Variants in KIFC3 observed in about 807,000 individuals in gnomAD.
The protein encoded by KIFC3 is kinesin-like protein KIFC3.
KIFC3 carries 60 observed loss-of-function variants against 101.8 expected under a neutral mutation model. The ratio of observed to expected loss-of-function variants is 0.59; its 90% CI spans 0.48 to 0.73. The LOEUF is 0.73. Ranked by LOEUF, KIFC3 falls within the 30% of genes least tolerant of loss-of-function variation. KIFC3 has a pLI of 0.00. For synonymous variants in KIFC3, 476 were observed against 482.7 expected (o/e 0.99, Z 0.18); for missense variants, 966 against 1,137.1 (o/e 0.85, Z 2.16).
Position 57,823,805 on chromosome 16 carries a change from T to TGTGTGTG in KIFC3, c.109-25524_109-25523insCACACAC, listed in dbSNP as rs1568088586. Reference sequence around the variant, plus strand: ...TGTGTGTGTGTGTGTGTGTGTGTGTTTTTAGTAGAGATGGTGTTTCACCAC... The same window carrying TGTGTGTG: ...TGTGTGTGTGTGTGTGTGTGTGTGTTGTGTGTGTTTAGTAGAGATGGTGTTTCACCAC... On this transcript the variant is annotated intron_variant, in intron 1 of 2. Transcript: ENST00000563028. Among the ~76,000 whole-genome samples the TGTGTGTG allele has an allele frequency of 6.2e-5, 4 of 64,524 alleles. No homozygotes were observed. In the East Asian group the frequency reaches 2.5e-3, roughly 40 times the overall value. 42.3% of individuals were successfully genotyped at this position (64,524 alleles called of 152,430 possible).
At chr16:57,781,547 G>T (rs1249342028) in intron 3 of KIFC3, among the ~76,000 whole-genome samples, 16 of 152,172 alleles carry the variant, frequency 1.1e-4, no homozygotes, top group Non-Finnish European at 7.3e-5. Flanking sequence ...GGTCAGCTGG[G>T]TGCTCAAGGA....
rs536142564 is a variant in KIFC3 at position 57,839,516 on chromosome 16, G to A, written c.108+23213C>T. On this transcript the variant is annotated intron_variant, in intron 1 of 2. Coordinates refer to the KIFC3 transcript ENST00000563028. ...GATCATCCCACTGCACTCCAGCCTC[G>A]GTGACAGAGCAAGACCATGTCTCAA... 9.2e-5 allele frequency among the ~76,000 whole-genome samples: 14 copies of A among 152,050 alleles called. No individual in the cohort carries two copies. In the East Asian group the frequency reaches 9.7e-4, roughly 10 times the overall value.
At chr16:57,801,447 A>G (rs983426695) in intron 1 of KIFC3, among the ~76,000 whole-genome samples, 2 of 152,168 alleles carry the variant, frequency 1.3e-5, no homozygotes, top group Non-Finnish European at 2.9e-5. Context: ...CTGTGCCCCT[A>G]AAGTCCACTC....
intron 3 of KIFC3, chr16:57,775,001 C>T: frequency 6.5e-7 from 1 of 1,533,936 alleles, no homozygotes; most frequent in South Asian, 1.2e-5. Context: ...CCACTGCCGC[C>T]CCTGCCAGGC....
At position 57,758,643 on chromosome 16, in the gene KIFC3, CA is replaced by C; in HGVS notation, c.*290del. The C allele has an allele frequency of 5.7e-6, 4 of 700,954 alleles. No homozygotes were observed. The highest frequency in any genetic ancestry group is 1.0e-5 in the Non-Finnish European group (4 of 384,784). The allele number at this position is 700,954 out of a possible 1,614,324, so 43.4% of individuals were successfully genotyped here. ...ACACTCCCGCCCTCCTCACGGGGCC[CA>C]GTTCGCTGATGGCCCAGGCCTGCCA... On this transcript the variant is annotated 3_prime_UTR_variant, in exon 20 of 20. Coordinates refer to ENST00000445690, the MANE Select transcript of KIFC3 (RefSeq NM_001130100.2).
intron 11 of KIFC3, among the ~76,000 whole-genome samples, chr16:57,765,051 G>A (rs2050318835): frequency 6.6e-6 from 1 of 151,984 alleles, no homozygotes; most frequent in Non-Finnish European, 1.5e-5. Context: ...GTGGTGGGAG[G>A]GGCTGTGGGT....
chr16:57,842,200 A>C (rs1482237487), intron 1 of KIFC3, among the ~76,000 whole-genome samples: 1 of 146,940 alleles, frequency 6.8e-6, no homozygotes, highest in Non-Finnish European at 1.5e-5. Context: ...ACTCCGTCTC[A>C]AAAAAAAAAA....
At position 57,798,088 on chromosome 16, in the gene KIFC3, C is replaced by G; in HGVS notation, c.156G>C (p.Pro52=). 6.3e-7 allele frequency: 1 copy of G among 1,592,320 alleles called. No individual in the cohort carries two copies. Among genetic ancestry groups the G allele is most frequent in the Non-Finnish European group, 8.5e-7 (1 of 1,169,858 alleles). The change falls in exon 2 of 20, where the codon CCG becomes CCC. Residue 52 remains proline (P), a synonymous_variant. Transcript: ENST00000445690. ...PAARPFPHTG[P]GRLRTGRGKD... is the part of the protein sequence containing the mutation. ...CGGACTCACCAGTTCTCAACCTCCCCGGGCCGGTGTGTGGGAAAGGGCGGG... is the reference window on the plus strand; with the variant it reads ...CGGACTCACCAGTTCTCAACCTCCCGGGGCCGGTGTGTGGGAAAGGGCGGG...
chr16:57,761,987 T>C (rs1442950262), intron 13 of KIFC3, among the ~76,000 whole-genome samples, 153 bp downstream of exon 13: 1 of 152,038 alleles, frequency 6.6e-6, no homozygotes, highest in Admixed American at 6.5e-5. Context: ...CTATCCCCCA[T>C]TGCTCCAGCA....
At chr16:57,830,507 G>A (rs1309346633) in intron 1 of KIFC3, 8 of 152,116 alleles carry the variant, frequency 5.3e-5, no homozygotes, top group Non-Finnish European at 1.2e-4. Flanking sequence ...AAAGTGCTGA[G>A]ATTACAGGCA....
At chr16:57,783,590 A>G (rs2053000455) in intron 3 of KIFC3, among the ~76,000 whole-genome samples, 1 of 149,676 alleles carries the variant, frequency 6.7e-6, no homozygotes, top group Non-Finnish European at 1.5e-5. Flanking sequence ...CTCCTGCCTC[A>G]GCCTCCCAAG....
chr16:57,760,074 G>A (rs1464334879), intron 17 of KIFC3: 3 of 658,146 alleles, frequency 4.6e-6, no homozygotes, highest in African/African-American at 3.6e-5. Context: ...CGGCCAGCTC[G>A]TCACCCCACA....
At position 57,860,952 on chromosome 16, in the gene KIFC3, T is replaced by A. The variant is rs187981704; in HGVS notation, c.108+1777A>T. 2.2e-3 allele frequency among the ~76,000 whole-genome samples: 336 copies of A among 152,208 alleles called. 2 individuals carry two copies. Among genetic ancestry groups the A allele is most frequent in the African/African-American group, 7.8e-3 (326 of 41,530 alleles). ...GTCTTCAACTCCTGAGCTGAAGAGA[T>A]CCATCCATCTCAGCCTCCCAAAGTG... On this transcript the variant is annotated intron_variant, in intron 1 of 2. Coordinates refer to the KIFC3 transcript ENST00000563028.
intron 1 of KIFC3, among the ~76,000 whole-genome samples, chr16:57,799,952 A>G (rs1404553848): frequency 1.3e-5 from 2 of 152,040 alleles, no homozygotes; most frequent in Non-Finnish European, 2.9e-5. Flanking sequence ...GGAGGGCTCA[A>G]AGAGTGGGGC....
At chr16:57,805,706 C>T (rs1199213324), upstream of KIFC3, among the ~76,000 whole-genome samples, 1 of 140,694 alleles carries the variant, frequency 7.1e-6, no homozygotes, top group Non-Finnish European at 1.5e-5. Flanking sequence ...GACAGAGTCT[C>T]ACTCTGTTGC....
chr16:57,815,755 C>T, intron 1 of KIFC3: 1 of 915,026 alleles, frequency 1.1e-6, no homozygotes, highest in Non-Finnish European at 1.5e-6. Flanking sequence ...GTCCCACGGC[C>T]AAGTTGCCTG....
rs1452462223 is a variant in KIFC3 at position 57,762,026 on chromosome 16, T to C, written c.1748+114A>G. The stretch of plus-strand genomic sequence containing the variant: ...CCCCTGAGGATCCCAAAGCTGCCCC[T>C]GAGGCCTGCTCCCCACATACTGGGG... On this transcript the variant is annotated intron_variant, in intron 13 of 19. Coordinates refer to ENST00000445690, the MANE Select transcript of KIFC3 (RefSeq NM_001130100.2). 17 of 1,351,754 alleles carry C rather than the reference T, an allele frequency of 1.3e-5. No homozygotes were observed. In the Admixed American group the frequency reaches 2.5e-4, roughly 20 times the overall value. 83.7% of individuals were successfully genotyped at this position (1,351,754 alleles called of 1,614,324 possible).
chr16:57,813,966 C>A, intron 1 of KIFC3: 1 of 618,240 alleles, frequency 1.6e-6, no homozygotes, highest in Non-Finnish European at 2.0e-6. Context: ...CATCCCGCTA[C>A]TGTCCTCATG....
intron 1 of KIFC3, among the ~76,000 whole-genome samples, chr16:57,822,929 T>C (rs1401692317): frequency 6.9e-6 from 1 of 145,558 alleles, no homozygotes; most frequent in Non-Finnish European, 1.5e-5. Flanking sequence ...TGTATATTGG[T>C]TATGTAAACC....
Sources: gnomAD v4.1 joint callset for allele counts (sites outside exome capture counted in the v4.1 genomes callset) on GRCh38, gnomAD v4.1.1 for gene constraint, MANE v1.5 for transcripts, NCBI Gene and HGNC (gene_info 2026-07-23, HGNC 2026-07-21) for gene names.